LRIT2: variants seen among roughly 807,000 people sequenced by gnomAD.
LRIT2 encodes leucine rich repeat, Ig-like and transmembrane domains 2.
Under a neutral mutation model 22.4 loss-of-function variants are expected in LRIT2, and 23 were observed. That is an observed-to-expected ratio of 1.03 (90% CI 0.74 to 1.45). The LOEUF (loss-of-function observed/expected upper bound fraction) is 1.45. LRIT2 is among the 40% of genes most tolerant of loss of function. LRIT2 has a pLI of 0.00. For synonymous variants in LRIT2, 291 were observed against 267.1 expected, an observed-to-expected ratio of 1.09 and a Z score of -0.87; for missense variants, 784 against 665.6, an observed-to-expected ratio of 1.18 and a Z score of -1.96.
rs770513662 is a variant in LRIT2 at position 84,222,628 on chromosome 10, A to T, written c.945T>A (p.Pro315=). ...TACCACTGTCTACCAGGTGGGCAGC[A>T]GGTATGGCCAGCTCTGACAGAGCAG... ...EDTALSELAI[P]AAHLVDSGNY... Residue 315 remains proline, a synonymous_variant, in exon 3 of 3, where the codon CCT becomes CCA. Coordinates refer to ENST00000372113, the MANE Select transcript of LRIT2 (RefSeq NM_001017924.5). 1.9e-6 allele frequency: 3 copies of T among 1,614,048 alleles called. No homozygotes were observed. Among genetic ancestry groups the T allele is most frequent in the African/African-American group, 2.7e-5 (2 of 74,906 alleles).
At chr10:84,223,145 A>C (rs1441631706) in intron 2 of LRIT2, among the ~76,000 whole-genome samples, 1 of 152,346 alleles carries the variant, frequency 6.6e-6, no homozygotes, top group East Asian at 1.9e-4. Flanking sequence ...CAGAGCCTGG[A>C]GCCACATGCC....
At position 84,222,326 on chromosome 10, in the gene LRIT2, T is replaced by C. The variant is rs570946886; in HGVS notation, c.1247A>G (p.Asn416Ser). The change falls in exon 3 of 3, where the codon AAT (asparagine) becomes AGT (serine). Residue 416 changes from asparagine (N) to serine (S), a missense_variant. Transcript: ENST00000372113. ...AAGGAGGTCATCCACAGCATAAGTA[T>C]TGATTCCGGGGCCAATGTGAACCAC... ...KEVVHIGPGINTYAVDDLLPG... is the reference protein window; with the variant it reads ...KEVVHIGPGISTYAVDDLLPG... 54 of 1,614,210 alleles carry C rather than the reference T, an allele frequency of 3.3e-5. No homozygotes were observed. The highest frequency in any genetic ancestry group is 1.6e-4 in the Middle Eastern group (1 of 6,062).
At position 84,224,590 on chromosome 10, in the gene LRIT2, A is replaced by G. The variant is rs1350636411; in HGVS notation, c.635T>C (p.Val212Ala). 2.5e-6 allele frequency: 4 copies of G among 1,613,696 alleles called. No homozygotes were observed. The highest frequency in any genetic ancestry group is 3.4e-6 in the Non-Finnish European group (4 of 1,179,642). The change falls in exon 2 of 3, where the codon GTC becomes GCC. Residue 212 changes from valine (V) to alanine (A), a missense_variant. Val to Ala is a moderately conservative substitution (Grantham distance 64). Transcript: ENST00000372113. ...WVCDCRLRGL[V>A]QFVKSITLPV... ...GAGGGTAATGGACTTGACAAACTGGACAAGCCCCCTTAGGCGACAGTCACA... is the reference window on the plus strand; with the variant it reads ...GAGGGTAATGGACTTGACAAACTGGGCAAGCCCCCTTAGGCGACAGTCACA...
Position 84,222,504 on chromosome 10 carries a change from A to T in LRIT2, c.1069T>A (p.Ser357Thr), listed in dbSNP as rs1380131999. Reference protein sequence around the residue: ...AQALHAPDSLSIPSEGNAYID... With the variant: ...AQALHAPDSLTIPSEGNAYID... The stretch of plus-strand genomic sequence containing the variant: ...TAGGCATTGCCCTCCGAGGGGATGG[A>T]AAGAGAATCAGGTGCATGTAGGGCC... The change falls in exon 3 of 3, where the codon TCC becomes ACC. Residue 357 changes from serine (S) to threonine (T), a missense_variant. By Grantham distance (58) the Ser-to-Thr change is moderately conservative. Coordinates refer to ENST00000372113, the MANE Select transcript of LRIT2 (RefSeq NM_001017924.5). 1 of 1,613,844 alleles carries T rather than the reference A, an allele frequency of 6.2e-7. No individual in the cohort carries two copies. The highest frequency in any genetic ancestry group is 1.3e-5 in the African/African-American group (1 of 74,868).
In LRIT2 at chr10:84,221,737, C is replaced by T. The variant is rs1842506906; in HGVS notation, c.*183G>A. On this transcript the variant is annotated 3_prime_UTR_variant, in exon 3 of 3. Coordinates refer to ENST00000372113, the MANE Select transcript of LRIT2 (RefSeq NM_001017924.5). ...TTTACGAAGATAATGACTATGTCCC[C>T]TTTATCATGAAGATAAAGACTCTGT... 1 of 456,018 alleles carries T rather than the reference C, an allele frequency of 2.2e-6. No homozygotes were observed. Among genetic ancestry groups the T allele is most frequent in the Non-Finnish European group, 3.8e-6 (1 of 263,158 alleles). 28.2% of individuals were successfully genotyped at this position (456,018 alleles called of 1,614,324 possible).
Position 84,222,453 on chromosome 10 carries a change from T to C in LRIT2, c.1120A>G (p.Thr374Ala), listed in dbSNP as rs1014638368. The C allele has an allele frequency of 6.2e-7, 1 of 1,614,050 alleles. No homozygotes were observed. The highest frequency in any genetic ancestry group is 8.5e-7 in the Non-Finnish European group (1 of 1,180,012). The change falls in exon 3 of 3, where the codon ACA becomes GCA. Residue 374 changes from threonine (T) to alanine (A), a missense_variant. Thr to Ala is a moderately conservative substitution (Grantham distance 58). Transcript: ENST00000372113. Reference protein sequence around the residue: ...AYIDLRVVKQTVHGILLEWLA... With the variant: ...AYIDLRVVKQAVHGILLEWLA... ...CACTCCAGCAAAATCCCATGCACTG[T>C]CTGCTTGACAACCCGCAGGTCAATG... is the stretch of plus-strand genomic sequence containing the variant.
In LRIT2 at chr10:84,222,352, C is replaced by T. The variant is rs201528968; in HGVS notation, c.1221G>A (p.Glu407=). The T allele has an allele frequency of 3.2e-5, 51 of 1,614,204 alleles. No individual in the cohort carries two copies. In the African/African-American group the frequency reaches 6.3e-4, roughly 20 times the overall value. The change falls in exon 3 of 3, where the codon GAG becomes GAA. Residue 407 remains glutamate, a synonymous_variant. Coordinates refer to ENST00000372113, the MANE Select transcript of LRIT2 (RefSeq NM_001017924.5). ...TGATTCCGGGGCCAATGTGAACCACCTCCTTCCTGAAGGCTTCATCCGATG... is the reference window on the plus strand; with the variant it reads ...TGATTCCGGGGCCAATGTGAACCACTTCCTTCCTGAAGGCTTCATCCGATG... The part of the protein sequence containing the change: ...YIASDEAFRK[E]VVHIGPGINT...
Position 84,222,006 on chromosome 10 carries a change from C to A in LRIT2, c.1567G>T (p.Glu523Ter). 1 of 1,603,268 alleles carries A rather than the reference C, an allele frequency of 6.2e-7. No homozygotes were observed. Residue 523 changes from glutamate (E) to a stop codon, truncating the protein, a stop_gained, in exon 3 of 3, where the codon GAA (glutamate) becomes TAA (stop). Transcript: ENST00000372113. LOFTEE classifies it low-confidence loss of function (END_TRUNC). The part of the protein sequence containing the change: ...APQSKDGSFR[E>*]HPAVCDDGEG... ...CCGTCATCACAGACAGCTGGATGTT[C>A]TCTAAAGGAGCCATCCTTGGACTGC...
rs779313213 is a variant in LRIT2, at chr10:84,224,295, T to C, written c.892+38A>G. On this transcript the variant is annotated intron_variant, in intron 2 of 2. Coordinates refer to ENST00000372113, the MANE Select transcript of LRIT2 (RefSeq NM_001017924.5). Reference sequence around the variant, plus strand: ...GATGGGTTTGCTACAGACCTCTCCATTCCCTCCAGATACACTGAGAGGGTG... The same window carrying C: ...GATGGGTTTGCTACAGACCTCTCCACTCCCTCCAGATACACTGAGAGGGTG... The C allele has an allele frequency of 7.4e-5, 117 of 1,571,168 alleles. No individual in the cohort carries two copies. In the Admixed American group the frequency reaches 2.0e-3, roughly 26 times the overall value.
In LRIT2 at chr10:84,225,099, T is replaced by A; in HGVS notation, c.126A>T (p.Thr42=). 6.2e-7 allele frequency: 1 copy of A among 1,612,760 alleles called. No homozygotes were observed. The highest frequency in any genetic ancestry group is 8.5e-7 in the Non-Finnish European group (1 of 1,179,336). Residue 42 remains threonine, a synonymous_variant, in exon 2 of 3, where the codon ACA becomes ACT. Coordinates refer to ENST00000372113, the MANE Select transcript of LRIT2 (RefSeq NM_001017924.5). ...CAGGGATCTTTCCCAAGGAGACAGA[T>A]GTGCACTGCAGAGTCCTGTACAAGA... is the stretch of plus-strand genomic sequence containing the variant. ...EESFGRTLQC[T]SVSLGKIPGN... is the part of the protein sequence containing the mutation.
At position 84,225,040 on chromosome 10, in the gene LRIT2, A is replaced by G; in HGVS notation, c.185T>C (p.Ile62Thr). 6.2e-7 allele frequency: 1 copy of G among 1,614,088 alleles called. No individual in the cohort carries two copies. The highest frequency in any genetic ancestry group is 8.5e-7 in the Non-Finnish European group (1 of 1,180,006). Residue 62 changes from isoleucine to threonine, a missense_variant, in exon 2 of 3, where the codon ATT (isoleucine) becomes ACT (threonine). Ile to Thr is a moderately conservative substitution (Grantham distance 89). Coordinates refer to ENST00000372113, the MANE Select transcript of LRIT2 (RefSeq NM_001017924.5). ...CATCTCAAATAAGGGTGAATTTTCA[A>G]TTCTCACTTGCTTGAACTCTTCAGA... The part of the protein sequence containing the change: ...NLSEEFKQVR[I>T]ENSPLFEMPQ...
Position 84,224,322 on chromosome 10 carries a change from A to G in LRIT2, c.892+11T>C, listed in dbSNP as rs926360125. On this transcript the variant is annotated intron_variant, in intron 2 of 2. Coordinates refer to ENST00000372113, the MANE Select transcript of LRIT2 (RefSeq NM_001017924.5). ...CCCTCCAGATACACTGAGAGGGTGCATGTGGCTTACCATCAAATTCTCTCC... is the reference window on the plus strand; with the variant it reads ...CCCTCCAGATACACTGAGAGGGTGCGTGTGGCTTACCATCAAATTCTCTCC... 1.2e-6 allele frequency: 2 copies of G among 1,604,034 alleles called. No individual in the cohort carries two copies. Among genetic ancestry groups the G allele is most frequent in the African/African-American group, 1.3e-5 (1 of 74,816 alleles).
Position 84,222,247 on chromosome 10 carries a change from C to T in LRIT2, c.1326G>A (p.Gln442=). 1 of 1,614,240 alleles carries T rather than the reference C, an allele frequency of 6.2e-7. No homozygotes were observed. Among genetic ancestry groups the T allele is most frequent in the South Asian group, 1.1e-5 (1 of 91,086 alleles). The stretch of plus-strand genomic sequence containing the variant: ...CTGTTACAAAAGCTACACACTGGCC[C>T]TGGTGTGGAGGCTGGCCCTCTAGGC... ...CLSLEGQPPH[Q]GQCVAFVTGR... Residue 442 remains glutamine (Q), a synonymous_variant, in exon 3 of 3, where the codon CAG becomes CAA. Coordinates refer to ENST00000372113, the MANE Select transcript of LRIT2 (RefSeq NM_001017924.5).
rs369725045 is a variant in LRIT2, at chr10:84,224,973, G to A, written c.252C>T (p.Leu84=). The part of the protein sequence containing the change: ...SFINMSTLEY[L]WLNFNNISVI... ...CACTGATATTGTTAAAATTGAGCCA[G>A]AGGTATTCCAAGGTGCTCATGTTGA... Residue 84 remains leucine (L), a synonymous_variant, in exon 2 of 3, where the codon CTC becomes CTT. Coordinates refer to ENST00000372113, the MANE Select transcript of LRIT2 (RefSeq NM_001017924.5). 7 of 1,614,016 alleles carry A rather than the reference G, an allele frequency of 4.3e-6. No homozygotes were observed. Among genetic ancestry groups the A allele is most frequent in the Non-Finnish European group, 5.9e-6 (7 of 1,180,034 alleles).
rs369686448 is a variant in LRIT2, at chr10:84,222,587, G to A, written c.986C>T (p.Ala329Val). 14 of 1,614,090 alleles carry A rather than the reference G, an allele frequency of 8.7e-6. No homozygotes were observed. The South Asian group carries it at 1.4e-4, about 16-fold the overall frequency. Residue 329 changes from alanine (A) to valine (V), a missense_variant, in exon 3 of 3, where the codon GCC becomes GTC. By Grantham distance (64) the Ala-to-Val change is moderately conservative. Transcript: ENST00000372113. Reference protein sequence around the residue: ...LVDSGNYTCMASNSIGKSNLV... With the variant: ...LVDSGNYTCMVSNSIGKSNLV... ...GTTGCTCTTGCCAATGGAGTTGGAG[G>A]CCATGCAGGTGTAATTACCACTGTC...
At chr10:84,222,736 G>T (rs1341712931) in intron 2 of LRIT2, 56 bp from the exon 3 acceptor site, 2 of 1,594,826 alleles carry the variant, frequency 1.3e-6, no homozygotes, top group African/African-American at 1.3e-5. Flanking sequence ...CTGCTGGAAA[G>T]TGTCTAGCAA....
intron 2 of LRIT2, among the ~76,000 whole-genome samples, chr10:84,223,675 A>T (rs1281087895): frequency 6.6e-6 from 1 of 152,158 alleles, no homozygotes; most frequent in Non-Finnish European, 1.5e-5. Flanking sequence ...CAGGGAGGCC[A>T]TCCCCGGCTT....
In LRIT2 at chr10:84,225,128, C is replaced by T; in HGVS notation, c.111-14G>A. On this transcript the variant is annotated splice_polypyrimidine_tract_variant and intron_variant, in intron 1 of 2. Coordinates refer to ENST00000372113, the MANE Select transcript of LRIT2 (RefSeq NM_001017924.5). ...CACTGCAGAGTCCTGTACAAGAAACCAGAACAGCTTTAAGATAAACAACAG... is the reference window on the plus strand; with the variant it reads ...CACTGCAGAGTCCTGTACAAGAAACTAGAACAGCTTTAAGATAAACAACAG... 1 of 1,589,886 alleles carries T rather than the reference C, an allele frequency of 6.3e-7. No homozygotes were observed. The highest frequency in any genetic ancestry group is 8.6e-7 in the Non-Finnish European group (1 of 1,167,948).
intron 2 of LRIT2, among the ~76,000 whole-genome samples, chr10:84,224,065 T>C (rs141481982): frequency 1.3e-5 from 2 of 151,508 alleles, no homozygotes; most frequent in African/African-American, 4.9e-5. Context: ...TTGCATAAGA[T>C]ATTAAATTAG....
Sources: allele counts gnomAD v4.1 joint callset (sites outside exome capture counted in the v4.1 genomes callset), GRCh38; gene constraint gnomAD v4.1.1; transcripts MANE v1.5; gene names NCBI Gene and HGNC (gene_info 2026-07-23, HGNC 2026-07-21).